EPC1: variants seen among roughly 807,000 people sequenced by gnomAD.
EPC1 encodes the protein enhancer of polycomb 1.
A neutral mutation model predicts 98.4 loss-of-function variants in EPC1; 12 were observed. That is an observed-to-expected ratio of 0.12 (90% CI 0.08 to 0.20). The LOEUF is 0.20. EPC1 is among the 10% of genes least tolerant of loss of function. The pLI, the probability that EPC1 is intolerant of heterozygous loss-of-function variation, is 1.00. For synonymous variants in EPC1, 357 were observed against 363.9 expected (o/e 0.98, Z 0.21); for missense variants, 729 against 990.5 (o/e 0.74, Z 3.54).
chr10:32,271,024 T>C (rs1268554904), intron 13 of EPC1, among the ~76,000 whole-genome samples: 1 of 150,784 alleles, frequency 6.6e-6, no homozygotes, highest in Non-Finnish European at 1.5e-5. Context: ...AGACAGAGTT[T>C]AGCTCTTGTT....
intron 1 of EPC1, among the ~76,000 whole-genome samples, chr10:32,341,388 C>T (rs1308435987): frequency 1.3e-5 from 2 of 152,016 alleles, no homozygotes; most frequent in East Asian, 3.9e-4. Context: ...TACCATGACA[C>T]AGTAGAATGC....
chr10:32,356,053 A>G (rs1000543527), intron 1 of EPC1, among the ~76,000 whole-genome samples: 2 of 152,226 alleles, frequency 1.3e-5, no homozygotes, highest in Non-Finnish European at 2.9e-5. Flanking sequence ...TTAATGAAGT[A>G]GAAACATATG....
At chr10:32,304,039 TACA>T (rs2132810158) in intron 2 of EPC1, among the ~76,000 whole-genome samples, 2 of 152,332 alleles carry the variant, frequency 1.3e-5, no homozygotes, top group East Asian at 3.9e-4. Context: ...CTCAAATTTG[TACA>T]ATAAAAAATT....
At chr10:32,344,320 G>A (rs7083878) in intron 1 of EPC1, among the ~76,000 whole-genome samples, 5,195 of 152,118 alleles carry the variant, frequency 0.034, 281 homozygotes, top group African/African-American at 0.12. Flanking sequence ...TAGGTTCAGT[G>A]TCTATTCTTG....
chr10:32,346,552 G>C (rs1360729288), intron 1 of EPC1: 3 of 570,720 alleles, frequency 5.3e-6, no homozygotes, highest in Non-Finnish European at 3.1e-6. Context: ...AGTGGCCAGG[G>C]TCAGCGGGTG....
intron 1 of EPC1, among the ~76,000 whole-genome samples, chr10:32,357,201 T>C (rs556026681): frequency 1.1e-4 from 17 of 152,280 alleles, no homozygotes; most frequent in Admixed American, 9.1e-4. Flanking sequence ...GAGTTAAAGC[T>C]GTAGAAGCTT....
intron 1 of EPC1, among the ~76,000 whole-genome samples, chr10:32,373,526 C>T (rs1307102333): frequency 6.6e-6 from 1 of 152,174 alleles, no homozygotes; most frequent in Non-Finnish European, 1.5e-5. Flanking sequence ...TTAAACCAAT[C>T]CTGGTAATTT....
chr10:32,286,533 C>A, intron 9 of EPC1, 161 bp downstream of exon 9: 1 of 817,972 alleles, frequency 1.2e-6, no homozygotes, highest in Non-Finnish European at 1.8e-6. Context: ...TGTGTAAGAA[C>A]CAGGCAGCAC....
In EPC1 at chr10:32,273,386, A is replaced by T. The variant is rs139008894; in HGVS notation, c.1745-105T>A. On this transcript the variant is annotated intron_variant, in intron 10 of 13. Transcript: ENST00000319778. ...CATTAAATCTGTGCAAAATTGAAGCATCTGACAAAGGATCATGATCCTGCT... is the reference window on the plus strand; with the variant it reads ...CATTAAATCTGTGCAAAATTGAAGCTTCTGACAAAGGATCATGATCCTGCT... 890 of 1,384,974 alleles carry T rather than the reference A, an allele frequency of 6.4e-4. 2 individuals carry two copies. The African/African-American group carries it at 0.012, about 18-fold the overall frequency. The allele number at this position is 1,384,974 out of a possible 1,614,324, so 85.8% of individuals were successfully genotyped here.
chr10:32,348,073 T>C (rs1049599796), upstream of EPC1, among the ~76,000 whole-genome samples: 2 of 152,224 alleles, frequency 1.3e-5, no homozygotes, highest in African/African-American at 2.4e-5. Context: ...TCAAAGAGAC[T>C]GCGGCTTCAT....
upstream of EPC1, among the ~76,000 whole-genome samples, chr10:32,348,498 C>T (rs1294326529): frequency 6.6e-6 from 1 of 152,218 alleles, no homozygotes; most frequent in Non-Finnish European, 1.5e-5. Context: ...GCTTAGGGCA[C>T]ACAGGCAAAC....
At chr10:32,310,312 T>C (rs1836132850) in intron 1 of EPC1, among the ~76,000 whole-genome samples, 1 of 152,248 alleles carries the variant, frequency 6.6e-6, no homozygotes, top group African/African-American at 2.4e-5. Flanking sequence ...TTATTTATTC[T>C]TTTCCAGCAA....
chr10:32,346,933 C>T lies in EPC1; in HGVS notation c.-18G>A. On this transcript the variant is annotated 5_prime_UTR_variant, in exon 1 of 14. Transcript: ENST00000319778. The stretch of plus-strand genomic sequence containing the variant: ...TTACTCATCTCAGGCGCAGCAGATA[C>T]CTCTCCGCTCTGGGGAAACGGCCCC... The T allele has an allele frequency of 6.2e-7, 1 of 1,611,566 alleles. No individual in the cohort carries two copies. Among genetic ancestry groups the T allele is most frequent in the South Asian group, 1.1e-5 (1 of 91,066 alleles).
chr10:32,304,593 A>G (rs751464172), intron 2 of EPC1, among the ~76,000 whole-genome samples: 1 of 152,212 alleles, frequency 6.6e-6, no homozygotes, highest in Non-Finnish European at 1.5e-5. Context: ...ACGCTGTCCT[A>G]AAGAAAAAAA....
intron 13 of EPC1, among the ~76,000 whole-genome samples, chr10:32,270,821 CAAAAAAAA>C (rs55931034): frequency 1.7e-5 from 1 of 57,934 alleles, no homozygotes; most frequent in African/African-American, 6.8e-5. Flanking sequence ...GACTCGGTCT[CAAAAAAAA>C]AAAAAAAAAA....
chr10:32,347,048 C>T lies in EPC1; in HGVS notation c.-133G>A. On this transcript the variant is annotated 5_prime_UTR_variant, in exon 1 of 14. Coordinates refer to ENST00000319778, the MANE Select transcript of EPC1 (RefSeq NM_001272004.3). ...AGGGGCGGAGCGCAGAGCCCGCCGT[C>T]CGGGCACTAACACCAGCCGGGAGGG... 4.1e-6 allele frequency: 6 copies of T among 1,468,874 alleles called. No homozygotes were observed. The highest frequency in any genetic ancestry group is 2.5e-5 in the East Asian group (1 of 40,662). The allele number at this position is 1,468,874 out of a possible 1,614,324, so 91.0% of individuals were successfully genotyped here.
intron 1 of EPC1, chr10:32,345,565 G>C: frequency 9.1e-6 from 9 of 985,380 alleles, no homozygotes; most frequent in Non-Finnish European, 1.1e-5. Flanking sequence ...GGCTGTACCT[G>C]AAAACCAAGG....
chr10:32,378,595 T>G lies in EPC1; in HGVS notation c.-102A>C, dbSNP rs981486023. 2.2e-5 allele frequency: 16 copies of G among 728,678 alleles called. No homozygotes were observed. In the South Asian group the frequency reaches 3.3e-4, roughly 15 times the overall value. The allele number at this position is 728,678 out of a possible 1,614,324, so 45.1% of individuals were successfully genotyped here. A position where few individuals can be genotyped will look rare whatever the true frequency, so the allele number is the denominator to read the frequency against. On this transcript the variant is annotated 5_prime_UTR_variant, in exon 1 of 14. Coordinates refer to the EPC1 transcript ENST00000375110. The stretch of plus-strand genomic sequence containing the variant: ...CAACAGCCTCCAGGCAGCATATGGA[T>G]CTTCCAACATCTTTAAAATGTTTGG...
intron 1 of EPC1, among the ~76,000 whole-genome samples, chr10:32,308,636 TA>T (rs1836014305): frequency 6.6e-6 from 1 of 152,192 alleles, no homozygotes; most frequent in Non-Finnish European, 1.5e-5. Flanking sequence ...CTGTTCTCCT[TA>T]ATCATTAAAA....
Sources: gnomAD v4.1 joint callset for allele counts (sites outside exome capture counted in the v4.1 genomes callset) on GRCh38, gnomAD v4.1.1 for gene constraint, MANE v1.5 for transcripts, NCBI Gene and HGNC (gene_info 2026-07-23, HGNC 2026-07-21) for gene names.